The following PRKCB variants were observed in gnomAD, a reference collection of about 807,000 sequenced individuals.
The protein encoded by PRKCB is protein kinase C beta type.
PRKCB carries 13 observed loss-of-function variants against 81.5 expected under a neutral mutation model. That is an observed-to-expected ratio of 0.16 (90% CI 0.10 to 0.25). The LOEUF (loss-of-function observed/expected upper bound fraction) is 0.25. Ranked by LOEUF, PRKCB falls within the 10% of genes least tolerant of loss-of-function variation. The pLI, the probability that PRKCB is intolerant of heterozygous loss-of-function variation, is 1.00. For synonymous variants in PRKCB, 335 were observed against 321.4 expected (o/e 1.04, Z -0.45); for missense variants, 509 against 875.7 (o/e 0.58, Z 5.29).
chr16:24,096,666 A>AATATATATATATATATAT (rs58341820), intron 7 of PRKCB, among the ~76,000 whole-genome samples: 22 of 32,608 alleles, frequency 6.7e-4, no homozygotes, highest in East Asian at 2.3e-3. Flanking sequence ...AAAAAAAAAA[A>AATATATATATATATATAT]ATATATATAT....
chr16:23,849,879 A>T (rs1290303711), intron 2 of PRKCB, among the ~76,000 whole-genome samples: 1 of 152,166 alleles, frequency 6.6e-6, no homozygotes, highest in Admixed American at 6.5e-5. Context: ...TATATGATAC[A>T]CTTATTATTG....
intron 16 of PRKCB, among the ~76,000 whole-genome samples, chr16:24,213,006 A>ATTTATTTATT: frequency 7.0e-6 from 1 of 143,816 alleles, no homozygotes; most frequent in Non-Finnish European, 1.5e-5. Context: ...CCGTACTTGT[A>ATTTATTTATT]TATTTATTTA....
intron 3 of PRKCB, among the ~76,000 whole-genome samples, chr16:24,024,609 T>G (rs933827646): frequency 6.6e-6 from 1 of 152,230 alleles, no homozygotes; most frequent in Non-Finnish European, 1.5e-5. Context: ...ACAATTATAA[T>G]TTGTCAATCA....
At chr16:23,872,521 T>G (rs1962921704) in intron 2 of PRKCB, among the ~76,000 whole-genome samples, 1 of 152,024 alleles carries the variant, frequency 6.6e-6, no homozygotes, top group Admixed American at 6.6e-5. Flanking sequence ...ACCCTTTATC[T>G]AAAAAACAAG....
intron 5 of PRKCB, among the ~76,000 whole-genome samples, chr16:24,073,397 T>C (rs139913475): frequency 0.011 from 1,678 of 152,284 alleles, 36 homozygotes; most frequent in African/African-American, 0.039. Flanking sequence ...GGTGGTACAA[T>C]GTTGGCTCAT....
At chr16:24,032,370 A>G (rs1032397054) in intron 4 of PRKCB, 123 bp downstream of exon 4, 2 of 606,022 alleles carry the variant, frequency 3.3e-6, no homozygotes, top group Non-Finnish European at 5.7e-6. Context: ...GGGCTGGTGT[A>G]CCAGTTATCT....
At chr16:23,954,802 A>C (rs1031172734) in intron 2 of PRKCB, among the ~76,000 whole-genome samples, 1 of 152,204 alleles carries the variant, frequency 6.6e-6, no homozygotes, top group African/African-American at 2.4e-5. Flanking sequence ...CTGTAATCCC[A>C]GCACTTTGGA....
chr16:24,021,157 C>T (rs929431412), intron 3 of PRKCB, among the ~76,000 whole-genome samples: 37 of 136,454 alleles, frequency 2.7e-4, no homozygotes, highest in African/African-American at 1.0e-3. Flanking sequence ...TTCTTTTCCT[C>T]CCTCCCTCTC....
chr16:24,029,819 C>T (rs1215960602), intron 3 of PRKCB, among the ~76,000 whole-genome samples: 1 of 152,188 alleles, frequency 6.6e-6, no homozygotes, highest in East Asian at 1.9e-4. Flanking sequence ...AAACTGGTAG[C>T]ATGTACCAAA....
intron 16 of PRKCB, among the ~76,000 whole-genome samples, chr16:24,211,619 T>TGCCATCTCA: frequency 6.7e-6 from 1 of 149,566 alleles, no homozygotes; most frequent in East Asian, 2.0e-4. Flanking sequence ...AGTGCAATGG[T>TGCCATCTCA]GCCATCTCAG....
chr16:24,149,391 A>G (rs1326935841), intron 9 of PRKCB, among the ~76,000 whole-genome samples: 1 of 152,234 alleles, frequency 6.6e-6, no homozygotes, highest in Non-Finnish European at 1.5e-5. Context: ...ATTTATATCG[A>G]AAATGAAAGC....
intron 15 of PRKCB, among the ~76,000 whole-genome samples, chr16:24,188,397 C>T (rs185188723): frequency 8.4e-4 from 128 of 152,256 alleles, no homozygotes; most frequent in African/African-American, 2.9e-3. Context: ...TACATGGCTT[C>T]GGGCACATTA....
intron 5 of PRKCB, among the ~76,000 whole-genome samples, chr16:24,077,454 AATCC>A (rs1225115832): frequency 2.7e-5 from 4 of 150,266 alleles, no homozygotes; most frequent in Non-Finnish European, 3.0e-5. Flanking sequence ...TCATCCATCT[AATCC>A]ATCCATCCAT....
chr16:24,112,719 C>T (rs74431724), intron 7 of PRKCB, among the ~76,000 whole-genome samples: 6,101 of 152,138 alleles, frequency 0.04, 140 homozygotes, highest in Non-Finnish European at 0.053. Context: ...AACTTTGCCT[C>T]CTATGTACAT....
chr16:23,980,641 C>T (rs1189678818), intron 2 of PRKCB, among the ~76,000 whole-genome samples: 1 of 152,112 alleles, frequency 6.6e-6, no homozygotes, highest in Non-Finnish European at 1.5e-5. Context: ...ATGGGCTTCT[C>T]ATTTCTTCTC....
intron 2 of PRKCB, among the ~76,000 whole-genome samples, chr16:23,929,471 G>A (rs1963941727): frequency 6.6e-6 from 1 of 152,084 alleles, no homozygotes; most frequent in Admixed American, 6.5e-5. Flanking sequence ...TGTCAAATAG[G>A]AGTGAAATAC....
intron 9 of PRKCB, among the ~76,000 whole-genome samples, chr16:24,140,259 G>A (rs2141942834): frequency 6.6e-6 from 1 of 152,348 alleles, no homozygotes; most frequent in Admixed American, 6.5e-5. Flanking sequence ...AAACTAGAAT[G>A]TGATAGGACA....
chr16:24,215,753 A>G lies in PRKCB; in HGVS notation c.*937A>G, dbSNP rs1968217992. 1 of 985,762 alleles carries G rather than the reference A, an allele frequency of 1.0e-6. No individual in the cohort carries two copies. The highest frequency in any genetic ancestry group is 1.7e-5 in the African/African-American group (1 of 57,242). 61.1% of individuals were successfully genotyped at this position (985,762 alleles called of 1,614,324 possible). On this transcript the variant is annotated 3_prime_UTR_variant, in exon 17 of 17. Coordinates refer to ENST00000643927, the MANE Select transcript of PRKCB (RefSeq NM_002738.7). ...ACGACCTGCTTTGATTTAACCAAGA[A>G]GACGGCTGCGGAGCCTAGCAGACTC...
chr16:23,905,574 C>T (rs1963546902), intron 2 of PRKCB, among the ~76,000 whole-genome samples: 1 of 152,220 alleles, frequency 6.6e-6, no homozygotes, highest in Non-Finnish European at 1.5e-5. Context: ...TCAGGTTTAA[C>T]TGGGCATTCT....
Sources: gnomAD v4.1 joint callset for allele counts (sites outside exome capture counted in the v4.1 genomes callset) on GRCh38, gnomAD v4.1.1 for gene constraint, MANE v1.5 for transcripts, NCBI Gene and HGNC (gene_info 2026-07-23, HGNC 2026-07-21) for gene names.